FNBP4: variants seen among roughly 807,000 people sequenced by gnomAD.
FNBP4 encodes formin binding protein 4, also known as formin-binding protein 4.
In FNBP4, 34 loss-of-function variants were observed where a neutral mutation model predicts 119.3. That is an observed-to-expected ratio of 0.28 (90% CI 0.22 to 0.38). The LOEUF (loss-of-function observed/expected upper bound fraction) is 0.38, where lower values mean the gene tolerates loss of function less well. Among genes scored for constraint, FNBP4 ranks in the 10% least tolerant of loss-of-function variants. The pLI, the probability that FNBP4 is intolerant of heterozygous loss-of-function variation, is 1.00. For synonymous variants in FNBP4, 462 were observed against 430.6 expected (o/e 1.07, Z -0.90); for missense variants, 1,112 against 1,228.9 (o/e 0.90, Z 1.42).
At chr11:47,746,635 C>G (rs2097590886) in intron 6 of FNBP4, among the ~76,000 whole-genome samples, 1 of 152,088 alleles carries the variant, frequency 6.6e-6, no homozygotes, top group African/African-American at 2.4e-5. Context: ...CTGTCTCAGC[C>G]TCCCAAGTAG....
intron 6 of FNBP4, among the ~76,000 whole-genome samples, chr11:47,750,688 CAAAAAAAAAA>C (rs67153479): frequency 1.3e-4 from 9 of 68,070 alleles, no homozygotes; most frequent in South Asian, 1.4e-3. Context: ...GACTCTGTCT[CAAAAAAAAAA>C]AAAAAAAAAA....
chr11:47,751,322 C>T (rs758469994), intron 4 of FNBP4, 32 bp from the exon 5 acceptor site: 2 of 1,612,740 alleles, frequency 1.2e-6, no homozygotes, highest in Admixed American at 3.3e-5. Flanking sequence ...AAGCACAAAT[C>T]CCTCTACAAT....
At chr11:47,729,174 T>C (rs1226862469) in intron 12 of FNBP4, 1 of 985,260 alleles carries the variant, frequency 1.0e-6, no homozygotes, top group Non-Finnish European at 1.2e-6. Context: ...TTTCTATGTA[T>C]AGAAAGCCTT....
Position 47,765,379 on chromosome 11 carries a change from G to GAAAAA in FNBP4, c.221-18_221-17insTTTTT, listed in dbSNP as rs2097644922. The GAAAAA allele has an allele frequency of 3.0e-6, 3 of 1,003,510 alleles. No homozygotes were observed. In the East Asian group the frequency reaches 7.5e-5, roughly 25 times the overall value. The allele number at this position is 1,003,510 out of a possible 1,614,324, so 62.2% of individuals were successfully genotyped here. On this transcript the variant is annotated splice_polypyrimidine_tract_variant and intron_variant, in intron 1 of 16. Transcript: ENST00000263773. ...CCTGTTCATCTGGATTAAAAAAAAA[G>GAAAAA]AAAAGAAAAGAAAAGAAAAGAAAAG...
At chr11:47,731,713 T>G in intron 11 of FNBP4, 152 bp from the exon 12 acceptor site, 1 of 1,397,400 alleles carries the variant, frequency 7.2e-7, no homozygotes, top group Non-Finnish European at 9.2e-7. Flanking sequence ...GCTTTGACAA[T>G]TGAGAATGGA....
intron 8 of FNBP4, 75 bp downstream of exon 8, chr11:47,743,878 G>C (rs1443065554): frequency 6.6e-6 from 9 of 1,367,746 alleles, no homozygotes; most frequent in African/African-American, 1.4e-5. Flanking sequence ...TGTTGAAGAG[G>C]AAACAAAAAA....
At chr11:47,728,256 A>AC (rs1554976747) in intron 12 of FNBP4, among the ~76,000 whole-genome samples, 1 of 150,970 alleles carries the variant, frequency 6.6e-6, no homozygotes, top group Non-Finnish European at 1.5e-5. Flanking sequence ...CAAATTCTTA[A>AC]TTTTTTTTTA....
At position 47,734,058 on chromosome 11, in the gene FNBP4, G is replaced by C. The variant is rs755418555; in HGVS notation, c.1653C>G (p.Ile551Met). ...GTAAGAGCAGCACATGAAAGTTGGA[G>C]ATGGATTGTCTATTAATGCCTAGAA... ...FEFLGINRQSISNFHVLLLQT... is the reference protein window; with the variant it reads ...FEFLGINRQSMSNFHVLLLQT... Residue 551 changes from isoleucine (I) to methionine (M), a missense_variant, in exon 10 of 17, where the codon ATC (isoleucine) becomes ATG (methionine). Physicochemically the swap from Ile to Met is conservative, Grantham distance 10. Around this residue, in one of 2 missense-constraint regions of FNBP4, gnomAD observed 826 missense variants for 988.8 expected, o/e 0.84. Transcript: ENST00000263773. The C allele has an allele frequency of 3.8e-6, 6 of 1,582,186 alleles. No homozygotes were observed. Among genetic ancestry groups the C allele is most frequent in the Admixed American group, 1.9e-5 (1 of 51,810 alleles).
intron 2 of FNBP4, among the ~76,000 whole-genome samples, chr11:47,763,944 T>C (rs746350741): frequency 2.2e-4 from 33 of 152,162 alleles, no homozygotes; most frequent in Non-Finnish European, 4.4e-4. Flanking sequence ...CTTAGGTATA[T>C]ACCTCTTATG....
At position 47,723,268 on chromosome 11, in the gene FNBP4, T is replaced by C; in HGVS notation, c.2513A>G (p.Gln838Arg). The part of the protein sequence containing the change: ...IGNQATGIGH[Q>R]TIPVSLPAAG... ...TGCTGGAAGGCTAACTGGTATTGTC[T>C]GATGTCCAATTCCTGTTGCCTGGTT... The change falls in exon 15 of 17, where the codon CAG becomes CGG. Residue 838 changes from glutamine to arginine, a missense_variant. Gln to Arg is a conservative substitution (Grantham distance 43, BLOSUM62 1). This residue lies in a region of FNBP4 where 826 missense variants were observed against 988.8 expected (regional missense o/e 0.84). Transcript: ENST00000263773. 2 of 1,613,928 alleles carry C rather than the reference T, an allele frequency of 1.2e-6. No homozygotes were observed. Among genetic ancestry groups the C allele is most frequent in the Non-Finnish European group, 1.7e-6 (2 of 1,179,814 alleles).
At chr11:47,734,982 C>G (rs370052407) in intron 9 of FNBP4, among the ~76,000 whole-genome samples, 12 of 109,554 alleles carry the variant, frequency 1.1e-4, no homozygotes, top group Admixed American at 3.8e-4. Context: ...CCCAACACCC[C>G]CCCCCCCAAA....
intron 1 of FNBP4, 22 bp from the exon 2 acceptor site, chr11:47,765,384 GA>G (rs768625297): frequency 1.7e-6 from 2 of 1,185,628 alleles, no homozygotes; most frequent in Non-Finnish European, 2.4e-6. Flanking sequence ...AAAAAGAAAA[GA>G]AAAGAAAAGA....
intron 11 of FNBP4, 66 bp from the exon 12 acceptor site, chr11:47,731,627 TC>T: frequency 3.9e-6 from 6 of 1,542,482 alleles, no homozygotes; most frequent in Non-Finnish European, 5.2e-6. Context: ...TTCCATTTGG[TC>T]CTGTCCCAGG....
chr11:47,762,135 G>A (rs1417737049), intron 2 of FNBP4, among the ~76,000 whole-genome samples: 1 of 133,390 alleles, frequency 7.5e-6, no homozygotes. Flanking sequence ...ACAGCGTCTG[G>A]CTGTTTTTTT....
rs2097568438 is a variant in FNBP4 at position 47,732,370 on chromosome 11, T to C, written c.1820+167A>G. ...TTAAACATTGCTTTTGTTTCTCCAA[T>C]GTGTGGCTGGCCAAACTTTGTGCTT... is the stretch of plus-strand genomic sequence containing the variant. On this transcript the variant is annotated intron_variant, in intron 11 of 16. Transcript: ENST00000263773. The surrounding 1 kb of genome is among the most constrained non-coding windows in gnomAD (Gnocchi z 4.2). 2.0e-6 allele frequency: 3 copies of C among 1,511,192 alleles called. No homozygotes were observed. The highest frequency in any genetic ancestry group is 2.3e-5 in the Admixed American group (1 of 43,440). 93.6% of individuals were successfully genotyped at this position (1,511,192 alleles called of 1,614,324 possible).
intron 15 of FNBP4, among the ~76,000 whole-genome samples, chr11:47,720,521 T>A (rs1008276927): frequency 1.3e-5 from 2 of 151,770 alleles, no homozygotes; most frequent in Non-Finnish European, 2.9e-5. Flanking sequence ...TGAGCCGAGA[T>A]CACCACTGCA....
chr11:47,747,298 G>A (rs143825475), intron 6 of FNBP4, among the ~76,000 whole-genome samples: 172 of 152,170 alleles, frequency 1.1e-3, no homozygotes, highest in Middle Eastern at 6.8e-3. Context: ...TCTGCCTCCC[G>A]GGTTCAAGCA....
rs2097589879 is a variant in FNBP4 at position 47,746,210 on chromosome 11, T to G, written c.1091A>C (p.Glu364Ala). The change falls in exon 7 of 17, where the codon GAA (glutamate) becomes GCA (alanine). Residue 364 changes from glutamate to alanine, a missense_variant. By Grantham distance (107) the Glu-to-Ala change is moderately radical (BLOSUM62 -1). This residue lies in a region of FNBP4 where 826 missense variants were observed against 988.8 expected (regional missense o/e 0.84). Coordinates refer to ENST00000263773, the MANE Select transcript of FNBP4 (RefSeq NM_015308.5). ...EVKETSTTVE[E>A]ATTIVKPQEI... ...CTGTGGCTTTACTATTGTTGTTGCT[T>G]CTTCTACTGTTGTACTTGTTTCTTT... 17 of 1,614,168 alleles carry G rather than the reference T, an allele frequency of 1.1e-5. No homozygotes were observed. Among genetic ancestry groups the G allele is most frequent in the Non-Finnish European group, 1.4e-5 (17 of 1,180,026 alleles).
At chr11:47,763,371 G>A (rs776291744) in intron 2 of FNBP4, among the ~76,000 whole-genome samples, 31 of 147,884 alleles carry the variant, frequency 2.1e-4, no homozygotes, top group African/African-American at 4.0e-4. Context: ...ACTTCAACCC[G>A]GGAGGCAGAG....
Sources: allele counts gnomAD v4.1 joint callset (sites outside exome capture counted in the v4.1 genomes callset), GRCh38; gene constraint gnomAD v4.1.1; regional missense constraint gnomAD v4.1.1; non-coding constraint Gnocchi (gnomAD v3.1); transcripts MANE v1.5; gene names NCBI Gene and HGNC (gene_info 2026-07-23, HGNC 2026-07-21).